Variants in CORO2B observed in about 807,000 individuals in gnomAD.
The protein encoded by CORO2B is coronin-2B.
Under a neutral mutation model 58.8 loss-of-function variants are expected in CORO2B, and 26 were observed. The observed-to-expected ratio is 0.44, with a 90% CI of 0.32 to 0.61. The LOEUF (loss-of-function observed/expected upper bound fraction) is 0.61. Among genes scored for constraint, CORO2B ranks in the 20% least tolerant of loss-of-function variants. The pLI, the probability that CORO2B is intolerant of heterozygous loss-of-function variation, is 0.04. For missense variants in CORO2B, 460 were observed against 645.1 expected (o/e 0.71, Z 3.11); for synonymous variants, 242 against 253.8 (o/e 0.95, Z 0.44).
At chr15:68,696,249 C>CAA (rs77017896) in intron 3 of CORO2B, among the ~76,000 whole-genome samples, 3 of 102,650 alleles carry the variant, frequency 2.9e-5, no homozygotes, top group African/African-American at 7.3e-5. Context: ...GCCACTGTCT[C>CAA]AAAAAAAAAA....
intron 1 of CORO2B, among the ~76,000 whole-genome samples, chr15:68,585,530 A>G (rs1225499810): frequency 6.6e-6 from 1 of 152,156 alleles, no homozygotes; most frequent in Admixed American, 6.5e-5. Context: ...GGTTGAATGA[A>G]TGGGTGGGGA....
At chr15:68,616,622 C>T (rs966515980) in intron 1 of CORO2B, 5 of 985,194 alleles carry the variant, frequency 5.1e-6, no homozygotes, top group Non-Finnish European at 6.0e-6. Flanking sequence ...GCGGTGAGTA[C>T]GGCTGTGTCA....
intron 1 of CORO2B, among the ~76,000 whole-genome samples, chr15:68,592,209 C>T (rs910202919): frequency 6.6e-6 from 1 of 152,198 alleles, no homozygotes; most frequent in Non-Finnish European, 1.5e-5. Flanking sequence ...AGTTTGAGTC[C>T]TGCCAGCTTG....
the CORO2B span, among the ~76,000 whole-genome samples, chr15:68,573,514 G>A: frequency 1.3e-5 from 2 of 152,142 alleles, no homozygotes; most frequent in African/African-American, 4.8e-5. Context: ...GTAGAGGGCA[G>A]GAAGGGGAAA....
intron 1 of CORO2B, among the ~76,000 whole-genome samples, chr15:68,626,168 G>A (rs554292600): frequency 3.9e-5 from 6 of 152,264 alleles, no homozygotes; most frequent in South Asian, 2.1e-4. Flanking sequence ...TTCCTACTGC[G>A]TGCTGCTGTG....
chr15:68,718,533 G>C (rs1893084318), intron 8 of CORO2B, among the ~76,000 whole-genome samples, 165 bp from the exon 9 acceptor site: 1 of 152,166 alleles, frequency 6.6e-6, no homozygotes, highest in Non-Finnish European at 1.5e-5. Context: ...CAGAGACAGA[G>C]ACTGATTGAA....
At chr15:68,700,165 A>G (rs1892606494) in intron 3 of CORO2B, among the ~76,000 whole-genome samples, 1 of 152,000 alleles carries the variant, frequency 6.6e-6, no homozygotes, top group Non-Finnish European at 1.5e-5. Context: ...TGGAATGGTC[A>G]ACTTGCTGCT....
the CORO2B span, among the ~76,000 whole-genome samples, chr15:68,560,654 C>T: frequency 6.6e-6 from 1 of 152,160 alleles, no homozygotes; most frequent in Admixed American, 6.5e-5. Flanking sequence ...AGCCTCCTGT[C>T]TCTCTAAGCA....
the CORO2B span, among the ~76,000 whole-genome samples, chr15:68,570,496 A>G: frequency 6.6e-6 from 1 of 152,250 alleles, no homozygotes; most frequent in East Asian, 1.9e-4. Flanking sequence ...GTGGTGACTC[A>G]TAAGCTGGTG....
At chr15:68,630,108 C>T (rs1366615901) in intron 1 of CORO2B, among the ~76,000 whole-genome samples, 2 of 152,162 alleles carry the variant, frequency 1.3e-5, no homozygotes, top group African/African-American at 4.8e-5. Context: ...TCCATTACCT[C>T]GTTTTCCTCT....
At chr15:68,575,138 G>A (rs1396632143), upstream of CORO2B, among the ~76,000 whole-genome samples, 1 of 152,090 alleles carries the variant, frequency 6.6e-6, no homozygotes, top group African/African-American at 2.4e-5. Context: ...AAGCTGAGAG[G>A]CCTGCTCTGC....
chr15:68,661,841 T>C (rs889961162), intron 2 of CORO2B, among the ~76,000 whole-genome samples: 3 of 152,060 alleles, frequency 2.0e-5, no homozygotes, highest in Admixed American at 1.3e-4. Flanking sequence ...ACCCCATCTC[T>C]ACTAAAAATA....
intron 1 of CORO2B, among the ~76,000 whole-genome samples, chr15:68,607,953 A>G (rs1900165214): frequency 6.6e-6 from 1 of 152,210 alleles, no homozygotes; most frequent in Admixed American, 6.5e-5. Context: ...TCAAAATCAC[A>G]TGCCCTTGGG....
intron 2 of CORO2B, among the ~76,000 whole-genome samples, chr15:68,671,212 G>A (rs944906536): frequency 3.3e-5 from 5 of 152,244 alleles, no homozygotes; most frequent in East Asian, 1.9e-4. Context: ...TACTCACCAC[G>A]ACATAATAGG....
intron 1 of CORO2B, among the ~76,000 whole-genome samples, chr15:68,644,687 G>A (rs950384428): frequency 6.6e-6 from 1 of 152,110 alleles, no homozygotes; most frequent in African/African-American, 2.4e-5. Context: ...CTTCTTGCAC[G>A]TGGAGAGACA....
chr15:68,526,065 A>T, the CORO2B span, among the ~76,000 whole-genome samples: 2 of 152,206 alleles, frequency 1.3e-5, no homozygotes, highest in South Asian at 4.1e-4. Flanking sequence ...CAGCGTAATT[A>T]TTCTGAGACT....
At chr15:68,647,259 A>G (rs1901463837) in intron 2 of CORO2B, among the ~76,000 whole-genome samples, 1 of 152,244 alleles carries the variant, frequency 6.6e-6, no homozygotes, top group African/African-American at 2.4e-5. Context: ...AATTTTTAAA[A>G]GACAGTTTCT....
rs183662325 is a variant in CORO2B, at chr15:68,615,448, A to G, written c.16-29712A>G. Among the ~76,000 whole-genome samples the G allele has an allele frequency of 5.5e-3, 835 of 152,234 alleles. 7 individuals are homozygous for G. The highest frequency in any genetic ancestry group is 0.01 in the Middle Eastern group (3 of 294). ...GCAAAAGGGTTTTCAAATATTTGTGATGTTTCCATTCCTGAGCCATTGGCT... is the reference window on the plus strand; with the variant it reads ...GCAAAAGGGTTTTCAAATATTTGTGGTGTTTCCATTCCTGAGCCATTGGCT... On this transcript the variant is annotated intron_variant, in intron 1 of 11. Transcript: ENST00000261861.
At chr15:68,664,251 G>A (rs1002470202) in intron 2 of CORO2B, among the ~76,000 whole-genome samples, 4 of 152,144 alleles carry the variant, frequency 2.6e-5, no homozygotes, top group East Asian at 3.8e-4. Context: ...GGAAAGGTGT[G>A]TGCTTCTGAA....
Sources: allele counts gnomAD v4.1 joint callset (sites outside exome capture counted in the v4.1 genomes callset), GRCh38; gene constraint gnomAD v4.1.1; transcripts MANE v1.5; gene names NCBI Gene and HGNC (gene_info 2026-07-23, HGNC 2026-07-21).